Variants in CCKBR observed in about 807,000 individuals in gnomAD.
The protein encoded by CCKBR is cholecystokinin B receptor, also known as gastrin/cholecystokinin type B receptor.
CCKBR carries 33 observed loss-of-function variants against 34.6 expected under a neutral mutation model. The observed-to-expected ratio is 0.95, with a 90% CI of 0.72 to 1.27. The LOEUF is 1.27. CCKBR is among the 50% of genes most tolerant of loss of function. The pLI is 0.00. For missense variants in CCKBR, 652 were observed against 617.4 expected, an observed-to-expected ratio of 1.06 and a Z score of -0.59; for synonymous variants, 269 against 267.5, an observed-to-expected ratio of 1.01 and a Z score of -0.06.
In CCKBR at chr11:6,259,923, G is replaced by C. The variant is rs560248038; in HGVS notation, c.-6G>C. ...GCTGAGTAAGGCGGCGGGCTCGGCG[G>C]GGGCCATGGAGCTGCTAAAGCTGAA... On this transcript the variant is annotated 5_prime_UTR_variant, in exon 1 of 5. Transcript: ENST00000334619. 1.2e-5 allele frequency: 17 copies of C among 1,437,998 alleles called. No homozygotes were observed. In the Middle Eastern group the frequency reaches 7.1e-4, roughly 60 times the overall value. 89.1% of individuals were successfully genotyped at this position (1,437,998 alleles called of 1,614,324 possible).
Position 6,260,050 on chromosome 11 carries a change from C to G in CCKBR, c.122C>G (p.Pro41Arg). ...SSSVGNLSCE[P>R]PRIRGAGTRE... Reference sequence around the variant, plus strand: ...AGTGTGGGCAACCTCAGCTGCGAGCCCCCTCGCATTCGCGGAGCCGGGACA... The same window carrying G: ...AGTGTGGGCAACCTCAGCTGCGAGCGCCCTCGCATTCGCGGAGCCGGGACA... Residue 41 changes from proline to arginine, a missense_variant, in exon 1 of 5, where the codon CCC becomes CGC. Pro to Arg is a moderately radical substitution (Grantham distance 103). Coordinates refer to ENST00000334619, the MANE Select transcript of CCKBR (RefSeq NM_176875.4). 1.3e-6 allele frequency: 2 copies of G among 1,595,844 alleles called. No homozygotes were observed. Among genetic ancestry groups the G allele is most frequent in the Non-Finnish European group, 1.7e-6 (2 of 1,173,282 alleles).
Position 6,270,084 on chromosome 11 carries a change from T to C in CCKBR, c.404-4T>C, listed in dbSNP as rs201598199. On this transcript the variant is annotated splice_region_variant and splice_polypyrimidine_tract_variant and intron_variant, in intron 2 of 4. Transcript: ENST00000334619. ...GACTCCTTCCTTTCTCTTCCCTTGT[T>C]TAGGGGTGTCTGTGAGTGTGTCCAC... The C allele has an allele frequency of 2.5e-6, 4 of 1,601,328 alleles. No individual in the cohort carries two copies. The African/African-American group carries it at 5.4e-5, about 21-fold the overall frequency.
chr11:6,269,708 T>C lies in CCKBR; in HGVS notation c.191T>C (p.Ile64Thr). The change falls in exon 2 of 5, where the codon ATC becomes ACC. Residue 64 changes from isoleucine (I) to threonine (T), a missense_variant. Transcript: ENST00000334619. ...LAIRITLYAV[I>T]FLMSVGGNML... ...ATTAGAATCACTCTTTACGCAGTGA[T>C]CTTCCTGATGAGCGTTGGAGGAAAT... The C allele has an allele frequency of 6.2e-7, 1 of 1,614,130 alleles. No individual in the cohort carries two copies.
rs745609388 is a variant in CCKBR at position 6,270,770 on chromosome 11, C to T, written c.778C>T (p.Gln260Ter). 11 of 1,614,176 alleles carry T rather than the reference C, an allele frequency of 6.8e-6. No homozygotes were observed. In the South Asian group the frequency reaches 1.2e-4, roughly 18 times the overall value. The change falls in exon 4 of 5, where the codon CAA becomes TAA. Residue 260 changes from glutamine (Q) to a stop codon, truncating the protein, a stop_gained. Coordinates refer to ENST00000334619, the MANE Select transcript of CCKBR (RefSeq NM_176875.4). LOFTEE classifies it low-confidence loss of function (END_TRUNC). ...RFDGDSDSDS[Q>*]SRVRNQGGLP... ...TGACGGCGACAGTGACAGCGACAGC[C>T]AAAGCAGGGTCCGAAACCAAGGCGG...
intron 1 of CCKBR, among the ~76,000 whole-genome samples, chr11:6,266,988 G>A (rs1232490734): frequency 6.6e-6 from 1 of 152,138 alleles, no homozygotes; most frequent in East Asian, 1.9e-4. Flanking sequence ...TCTAAACATA[G>A]AAAAGGTACA....
At chr11:6,270,018 G>A in intron 2 of CCKBR, 70 bp from the exon 3 acceptor site, 1 of 1,589,430 alleles carries the variant, frequency 6.3e-7, no homozygotes, top group Admixed American at 1.7e-5. Flanking sequence ...AGGGGTGTGA[G>A]GAAGTCCCAC....
chr11:6,266,606 G>T (rs1354135292), intron 1 of CCKBR, among the ~76,000 whole-genome samples: 1 of 152,178 alleles, frequency 6.6e-6, no homozygotes, highest in African/African-American at 2.4e-5. Context: ...CAGGGACTTG[G>T]CTTCTATTCT....
chr11:6,261,740 G>A (rs34580285), intron 1 of CCKBR, among the ~76,000 whole-genome samples: 106,466 of 151,652 alleles, frequency 0.7, 38,176 homozygotes, highest in East Asian at 0.94. Flanking sequence ...ACTTTCTCCC[G>A]AGGGCAATAG....
chr11:6,268,167 A>G (rs1447540843), intron 1 of CCKBR, among the ~76,000 whole-genome samples: 1 of 152,166 alleles, frequency 6.6e-6, no homozygotes, highest in Non-Finnish European at 1.5e-5. Context: ...TTATGAGACC[A>G]CCATCGTATA....
intron 1 of CCKBR, among the ~76,000 whole-genome samples, chr11:6,262,703 AGAGAGAGAGAGAGAGAGAG>A (rs1848152895): frequency 6.9e-6 from 1 of 144,008 alleles, no homozygotes; most frequent in Non-Finnish European, 1.5e-5. Flanking sequence ...AGAGAGAGAG[AGAGAGAGAGAGAGAGAGAG>A]AGAAAGAAAA....
At chr11:6,261,434 CAA>C (rs71056733) in intron 1 of CCKBR, among the ~76,000 whole-genome samples, 7 of 14,456 alleles carry the variant, frequency 4.8e-4, no homozygotes, top group East Asian at 4.3e-3. Flanking sequence ...TTCCTGTTGG[CAA>C]AAAAAAAAAA....
intron 1 of CCKBR, among the ~76,000 whole-genome samples, chr11:6,266,203 C>T (rs562650584): frequency 1.3e-5 from 2 of 152,110 alleles, no homozygotes; most frequent in Admixed American, 1.3e-4. Flanking sequence ...AAGAAGGAGG[C>T]AGTATGGGCC....
chr11:6,271,344 C>G lies in CCKBR; in HGVS notation c.1145C>G (p.Ser382Trp), dbSNP rs765220669. The G allele has an allele frequency of 6.2e-7, 1 of 1,614,212 alleles. No homozygotes were observed. The highest frequency in any genetic ancestry group is 1.7e-5 in the Admixed American group (1 of 60,028). Residue 382 changes from serine to tryptophan, a missense_variant, in exon 5 of 5, where the codon TCG (serine) becomes TGG (tryptophan). By Grantham distance (177) the Ser-to-Trp change is radical. Coordinates refer to ENST00000334619, the MANE Select transcript of CCKBR (RefSeq NM_176875.4). ...TTCATTCACTTGCTGAGCTACGCCTCGGCCTGTGTCAACCCCCTGGTCTAC... is the reference window on the plus strand; with the variant it reads ...TTCATTCACTTGCTGAGCTACGCCTGGGCCTGTGTCAACCCCCTGGTCTAC... ...ISFIHLLSYA[S>W]ACVNPLVYCF... is the part of the protein sequence containing the mutation.
intron 1 of CCKBR, among the ~76,000 whole-genome samples, chr11:6,266,513 A>AACAC (rs1848211668): frequency 6.6e-6 from 1 of 151,854 alleles, no homozygotes; most frequent in African/African-American, 2.4e-5. Context: ...AAAACAAACA[A>AACAC]ACAAACAAAA....
At chr11:6,262,819 GCA>G (rs1310405275) in intron 1 of CCKBR, among the ~76,000 whole-genome samples, 3 of 152,198 alleles carry the variant, frequency 2.0e-5, no homozygotes, top group African/African-American at 7.2e-5. Flanking sequence ...GCGTGTGTGT[GCA>G]CGCATTTTAA....
At chr11:6,270,871 A>G in intron 4 of CCKBR, 68 bp downstream of exon 4, 1 of 1,612,224 alleles carries the variant, frequency 6.2e-7, no homozygotes, top group Non-Finnish European at 8.5e-7. Context: ...GGCCTGCTGG[A>G]GTGGGTGGGA....
rs1590675218 is a variant in CCKBR, at chr11:6,271,627, A to T, written c.*84A>T. ...ACATACGAAACACAAACCACAACTG[A>T]CACAGGAAACCAACACCCAAAGCAT... On this transcript the variant is annotated 3_prime_UTR_variant, in exon 5 of 5. Coordinates refer to ENST00000334619, the MANE Select transcript of CCKBR (RefSeq NM_176875.4). The T allele has an allele frequency of 1.5e-6, 2 of 1,348,128 alleles. No homozygotes were observed. The allele number at this position is 1,348,128 out of a possible 1,614,324, so 83.5% of individuals were successfully genotyped here.
intron 1 of CCKBR, chr11:6,264,664 G>C (rs1848184557): frequency 1.6e-6 from 1 of 614,238 alleles, no homozygotes; most frequent in South Asian, 2.0e-5. Context: ...ACCCATGCCT[G>C]TTTCCTAGTC....
intron 4 of CCKBR, 103 bp from the exon 5 acceptor site, chr11:6,270,908 A>G: frequency 6.2e-7 from 1 of 1,611,296 alleles, no homozygotes; most frequent in Non-Finnish European, 8.5e-7. Flanking sequence ...GGTGAGAAGG[A>G]AGCTGGAAAT....
Sources: gnomAD v4.1 joint callset for allele counts (sites outside exome capture counted in the v4.1 genomes callset) on GRCh38, gnomAD v4.1.1 for gene constraint, MANE v1.5 for transcripts, NCBI Gene and HGNC (gene_info 2026-07-23, HGNC 2026-07-21) for gene names.